The following TTC21B variants were observed in gnomAD, a reference collection of about 807,000 sequenced individuals.
TTC21B encodes the protein tetratricopeptide repeat protein 21B.
TTC21B carries 127 observed loss-of-function variants against 175.1 expected under a neutral mutation model. The ratio of observed to expected loss-of-function variants is 0.73; its 90% CI spans 0.63 to 0.84. TTC21B has a LOEUF of 0.84. Among genes scored for constraint, TTC21B ranks in the 40% least tolerant of loss-of-function variants. The probability of loss-of-function intolerance (pLI) is 0.00; values close to 1 mark genes in which losing one functional copy is unlikely to be tolerated. For synonymous variants in TTC21B, 524 were observed against 524.5 expected, an observed-to-expected ratio of 1.00 and a Z score of 0.01; for missense variants, 1,561 against 1,558.3, an observed-to-expected ratio of 1.00 and a Z score of -0.03.
intron 11 of TTC21B, among the ~76,000 whole-genome samples, chr2:165,926,204 A>C (rs1304752834): frequency 6.6e-6 from 1 of 152,222 alleles, no homozygotes. Flanking sequence ...AAAGGAAAAT[A>C]GGATGTCCAT....
chr2:165,888,602 G>A, intron 24 of TTC21B, 128 bp from the exon 25 acceptor site: 1 of 704,244 alleles, frequency 1.4e-6, no homozygotes, highest in Non-Finnish European at 2.4e-6. Flanking sequence ...TCATTTAAAA[G>A]TAATCTTTTG....
intron 25 of TTC21B, among the ~76,000 whole-genome samples, chr2:165,886,339 G>C (rs1164334575): frequency 1.3e-5 from 2 of 152,098 alleles, no homozygotes; most frequent in East Asian, 3.9e-4. Flanking sequence ...TTTGTATTAA[G>C]TCATCATAGT....
Position 165,924,690 on chromosome 2 carries a change from A to C in TTC21B, c.1387-12T>G, listed in dbSNP as rs1426673334. ...CCAGGACTTGCAGGCTAAACAAAAC[A>C]AATCAGCAGATCATTTTATAAGTGT... On this transcript the variant is annotated splice_polypyrimidine_tract_variant and intron_variant, in intron 11 of 28. Coordinates refer to ENST00000243344, the MANE Select transcript of TTC21B (RefSeq NM_024753.5). 1 of 1,612,506 alleles carries C rather than the reference A, an allele frequency of 6.2e-7. No individual in the cohort carries two copies. The highest frequency in any genetic ancestry group is 8.5e-7 in the Non-Finnish European group (1 of 1,179,150).
Position 165,932,970 on chromosome 2 carries a change from T to A in TTC21B, c.795+3A>T. 3 of 1,611,386 alleles carry A rather than the reference T, an allele frequency of 1.9e-6. No individual in the cohort carries two copies. Among genetic ancestry groups the A allele is most frequent in the Non-Finnish European group, 2.5e-6 (3 of 1,178,064 alleles). On this transcript the variant is annotated splice_donor_region_variant and intron_variant, in intron 7 of 28. Coordinates refer to ENST00000243344, the MANE Select transcript of TTC21B (RefSeq NM_024753.5). ...GAAACTTAAATAATACAATGCCACT[T>A]ACCTTCTCTATATCCCCCTCTCTAC...
At chr2:165,904,991 C>A (rs549996622) in intron 19 of TTC21B, among the ~76,000 whole-genome samples, 1 of 152,152 alleles carries the variant, frequency 6.6e-6, no homozygotes, top group South Asian at 2.1e-4. Context: ...ATAGATAGGG[C>A]AGATAGGCAA....
At chr2:165,938,703 G>C (rs1687255236) in intron 6 of TTC21B, among the ~76,000 whole-genome samples, 1 of 151,866 alleles carries the variant, frequency 6.6e-6, no homozygotes, top group South Asian at 2.1e-4. Context: ...GGGAAACAGG[G>C]AAACAGAAAA....
intron 22 of TTC21B, 61 bp from the exon 23 acceptor site, chr2:165,891,049 T>G: frequency 7.3e-7 from 1 of 1,374,044 alleles, no homozygotes; most frequent in Non-Finnish European, 1.0e-6. Flanking sequence ...TTGTTGGTTA[T>G]AATTCTACTT....
chr2:165,913,374 T>C (rs974779881), intron 16 of TTC21B, among the ~76,000 whole-genome samples, 200 bp downstream of exon 16: 3 of 152,156 alleles, frequency 2.0e-5, no homozygotes. Flanking sequence ...GATCTCAACT[T>C]TAAAAATAGA....
At position 165,912,900 on chromosome 2, in the gene TTC21B, C is replaced by G. The variant is rs370888288; in HGVS notation, c.2212-276G>C. Among the ~76,000 whole-genome samples, 27 of 152,314 alleles carry G rather than the reference C, an allele frequency of 1.8e-4. 1 individual carries two copies. Among genetic ancestry groups the G allele is most frequent in the African/African-American group, 6.5e-4 (27 of 41,576 alleles). On this transcript the variant is annotated intron_variant, in intron 16 of 28. Coordinates refer to ENST00000243344, the MANE Select transcript of TTC21B (RefSeq NM_024753.5). Reference sequence around the variant, plus strand: ...ACTAAGAGACACCATCTTGACTTTTCATTTCCAGAAGTCATTAAACTGCCA... The same window carrying G: ...ACTAAGAGACACCATCTTGACTTTTGATTTCCAGAAGTCATTAAACTGCCA...
At chr2:165,941,724 G>C (rs982252419) in intron 5 of TTC21B, among the ~76,000 whole-genome samples, 1 of 151,900 alleles carries the variant, frequency 6.6e-6, no homozygotes, top group Non-Finnish European at 1.5e-5. Context: ...TGATATTTAT[G>C]GCAGAATTGT....
At chr2:165,898,884 T>C (rs1685459997) in intron 21 of TTC21B, 117 bp from the exon 22 acceptor site, 2 of 713,718 alleles carry the variant, frequency 2.8e-6, no homozygotes, top group African/African-American at 1.8e-5. Context: ...GGGGGCAGCA[T>C]TTTATAAAAA....
chr2:165,884,384 GTT>G (rs1328514460), intron 25 of TTC21B, among the ~76,000 whole-genome samples: 4 of 152,166 alleles, frequency 2.6e-5, no homozygotes, highest in African/African-American at 9.7e-5. Context: ...TTATTGAGCA[GTT>G]TGTATTTCAG....
chr2:165,888,171 G>A (rs1253720551), intron 25 of TTC21B, 108 bp downstream of exon 25: 12 of 885,656 alleles, frequency 1.4e-5, no homozygotes, highest in Non-Finnish European at 2.1e-5. Context: ...TTTAATAAAA[G>A]TTAAGTAATT....
chr2:165,931,929 TA>T (rs2105347304), intron 7 of TTC21B, 73 bp from the exon 8 acceptor site: 1 of 960,982 alleles, frequency 1.0e-6, no homozygotes, highest in African/African-American at 1.6e-5. Flanking sequence ...ACATACACAC[TA>T]ACAAAGCATT....
chr2:165,924,417 A>G, intron 12 of TTC21B, 132 bp downstream of exon 12: 1 of 772,624 alleles, frequency 1.3e-6, no homozygotes, highest in Non-Finnish European at 2.0e-6. Context: ...GATTAAAATT[A>G]CTTATCTATG....
rs188236662 is a variant in TTC21B, at chr2:165,925,505, A to G, written c.1387-827T>C. ...CTCCACCCCAAGCCCCCTGACACAT[A>G]AAGCTCTTCAATTGGACTGTGCCTT... On this transcript the variant is annotated intron_variant, in intron 11 of 28. Transcript: ENST00000243344. 1.4e-4 allele frequency among the ~76,000 whole-genome samples: 21 copies of G among 152,278 alleles called. No homozygotes were observed. The East Asian group carries it at 4.1e-3, about 29-fold the overall frequency.
rs1684607753 is a variant in TTC21B, at chr2:165,874,669, G to A, written c.*86C>T. On this transcript the variant is annotated 3_prime_UTR_variant, in exon 29 of 29. Transcript: ENST00000243344. ...GGTATACTTCTAATAACAAAGCACT[G>A]AGCTCAAACCTGTTTTGAACAGGAA... is the stretch of plus-strand genomic sequence containing the variant. The A allele has an allele frequency of 1.6e-6, 2 of 1,244,398 alleles. No homozygotes were observed. Among genetic ancestry groups the A allele is most frequent in the African/African-American group, 1.5e-5 (1 of 67,616 alleles). 77.1% of individuals were successfully genotyped at this position (1,244,398 alleles called of 1,614,324 possible). A position where few individuals can be genotyped will look rare whatever the true frequency, so the allele number is the denominator to read the frequency against.
In TTC21B at chr2:165,873,469, C is replaced by T. The variant is rs1306422051; in HGVS notation, c.*1286G>A. ...TGTAGATGAGAAATTAAAAATAATGCTAAGGATTAAGTTTAGATTAGGTTA... is the reference window on the plus strand; with the variant it reads ...TGTAGATGAGAAATTAAAAATAATGTTAAGGATTAAGTTTAGATTAGGTTA... On this transcript the variant is annotated 3_prime_UTR_variant, in exon 29 of 29. Transcript: ENST00000243344. 6.6e-6 allele frequency: 1 copy of T among 152,000 alleles called. No homozygotes were observed. The highest frequency in any genetic ancestry group is 1.5e-5 in the Non-Finnish European group (1 of 68,020). The allele number at this position is 152,000 out of a possible 1,614,324, so 9.4% of individuals were successfully genotyped here. A position where few individuals can be genotyped will look rare whatever the true frequency, so the allele number is the denominator to read the frequency against.
rs753608608 is a variant in TTC21B, at chr2:165,911,464, G to A, written c.2324C>T (p.Ala775Val). Residue 775 changes from alanine to valine, a missense_variant and splice_region_variant, in exon 18 of 29, where the codon GCA becomes GTA. Coordinates refer to ENST00000243344, the MANE Select transcript of TTC21B (RefSeq NM_024753.5). ...CAGAGCAGCTTCATAGTAAGTGATT[G>A]CCTAAACAAAATTCATTCCATTTAA... is the stretch of plus-strand genomic sequence containing the variant. The part of the protein sequence containing the change: ...ALIKTHNYSM[A>V]ITYYEAALKT... The A allele has an allele frequency of 3.1e-6, 5 of 1,613,464 alleles. No homozygotes were observed. The highest frequency in any genetic ancestry group is 8.5e-7 in the Non-Finnish European group (1 of 1,179,792).
Sources: allele counts gnomAD v4.1 joint callset (sites outside exome capture counted in the v4.1 genomes callset), GRCh38; gene constraint gnomAD v4.1.1; transcripts MANE v1.5; gene names NCBI Gene and HGNC (gene_info 2026-07-23, HGNC 2026-07-21).